Variants in NDUFAF6 observed in about 807,000 individuals in gnomAD.
NDUFAF6 encodes NADH dehydrogenase (ubiquinone) complex I, assembly factor 6.
NDUFAF6 carries 45 observed loss-of-function variants against 40.8 expected under a neutral mutation model. That is an observed-to-expected ratio of 1.10 (90% CI 0.87 to 1.42). The LOEUF is 1.42. NDUFAF6 is among the 40% of genes most tolerant of loss of function. NDUFAF6 has a pLI of 0.00. For missense variants in NDUFAF6, 435 were observed against 418.5 expected (o/e 1.04, Z -0.34); for synonymous variants, 185 against 155.9 (o/e 1.19, Z -1.39).
Position 94,896,653 on chromosome 8 carries a change from C to G in NDUFAF6, c.-936+726C>G, listed in dbSNP as rs931299588. On this transcript the variant is annotated intron_variant, in intron 1 of 14. Coordinates refer to the NDUFAF6 transcript ENST00000396113. ...TGAGCGAGCCGGACGGCGAGCGGGC[C>G]GCGCCGGGGAGACGGAGCCTCGCGG... 1.4e-3 allele frequency: 206 copies of G among 152,170 alleles called. 1 individual carries two copies. The highest frequency in any genetic ancestry group is 4.8e-3 in the African/African-American group (198 of 41,540). 9.4% of individuals were successfully genotyped at this position (152,170 alleles called of 1,614,324 possible). A position where few individuals can be genotyped will look rare whatever the true frequency, so the allele number is the denominator to read the frequency against.
At chr8:95,014,472 T>G (rs1827357929) in intron 2 of NDUFAF6, among the ~76,000 whole-genome samples, 1 of 152,332 alleles carries the variant, frequency 6.6e-6, no homozygotes, top group Non-Finnish European at 1.5e-5. Context: ...TGTGGCCATG[T>G]GTGGACAGCT....
chr8:94,990,304 A>G (rs1586917836), intron 2 of NDUFAF6, among the ~76,000 whole-genome samples: 1 of 152,192 alleles, frequency 6.6e-6, no homozygotes, highest in South Asian at 2.1e-4. Flanking sequence ...GACAGGAATC[A>G]CCAGCCTTGG....
intron 4 of NDUFAF6, among the ~76,000 whole-genome samples, chr8:95,043,582 A>G (rs2131868706): frequency 6.6e-6 from 1 of 152,338 alleles, no homozygotes; most frequent in African/African-American, 2.4e-5. Flanking sequence ...ATTTGAGTAG[A>G]CATTTCTCCA....
intron 4 of NDUFAF6, among the ~76,000 whole-genome samples, chr8:95,112,081 C>T (rs1226777603): frequency 6.6e-6 from 1 of 152,156 alleles, no homozygotes; most frequent in Admixed American, 6.6e-5. Context: ...CAAAGATGTC[C>T]ACCTCCTAAT....
intron 4 of NDUFAF6, among the ~76,000 whole-genome samples, chr8:95,110,189 C>T (rs1460360769): frequency 1.3e-5 from 2 of 152,152 alleles, no homozygotes; most frequent in East Asian, 3.8e-4. Flanking sequence ...AGTTTGGAGT[C>T]ACAGAACAGA....
intron 2 of NDUFAF6, among the ~76,000 whole-genome samples, chr8:95,016,961 TCTTG>T (rs1827480746): frequency 1.4e-5 from 2 of 143,634 alleles, no homozygotes; most frequent in African/African-American, 5.2e-5. Context: ...TGAGACAGGG[TCTTG>T]CTCTGTTGCC....
chr8:94,962,855 A>T (rs1347950589), intron 1 of NDUFAF6, among the ~76,000 whole-genome samples: 1 of 148,960 alleles, frequency 6.7e-6, no homozygotes, highest in Non-Finnish European at 1.5e-5. Context: ...CAGTGACGTG[A>T]TCTCAGCTCA....
chr8:95,063,223 A>T (rs138223675), downstream of NDUFAF6, among the ~76,000 whole-genome samples: 171 of 152,352 alleles, frequency 1.1e-3, 1 homozygote, highest in Middle Eastern at 6.8e-3. Context: ...ATATCTTTAG[A>T]TAAGCAGTGC....
rs144109211 is a variant in NDUFAF6 at position 94,930,605 on chromosome 8, A to G, written c.-935-14878A>G. 3.1e-6 allele frequency: 5 copies of G among 1,614,218 alleles called. No homozygotes were observed. The African/African-American group carries it at 6.7e-5, about 22-fold the overall frequency. On this transcript the variant is annotated intron_variant, in intron 1 of 14. Transcript: ENST00000396113. ...TATTTCTGTTAAGAGGCTGTCTTTC[A>G]CTGTGTTCTTTTATCCACTGGGAAG...
upstream of NDUFAF6, among the ~76,000 whole-genome samples, chr8:95,098,566 G>A (rs10091897): frequency 0.23 from 34,506 of 152,124 alleles, 4,910 homozygotes; most frequent in African/African-American, 0.4. Context: ...GCTAGTCAGG[G>A]GGCTGAGGAA....
chr8:95,005,220 C>T (rs945615059), intron 2 of NDUFAF6, among the ~76,000 whole-genome samples: 7 of 151,930 alleles, frequency 4.6e-5, no homozygotes, highest in Admixed American at 2.0e-4. Flanking sequence ...ATAGGCCGAA[C>T]GTACAGTCAC....
intron 9 of NDUFAF6, among the ~76,000 whole-genome samples, chr8:95,075,454 T>G (rs1368537451): frequency 6.6e-6 from 1 of 152,186 alleles, no homozygotes; most frequent in Admixed American, 6.5e-5. Context: ...GAAAACAATA[T>G]TTCTCTGATG....
intron 1 of NDUFAF6, among the ~76,000 whole-genome samples, chr8:94,921,246 A>G (rs1819482000): frequency 6.6e-6 from 1 of 152,220 alleles, no homozygotes; most frequent in Non-Finnish European, 1.5e-5. Context: ...GGAGCAAGAT[A>G]GTTGCCATAG....
At chr8:95,027,630 A>T (rs959345022) in intron 1 of NDUFAF6, among the ~76,000 whole-genome samples, 7 of 151,510 alleles carry the variant, frequency 4.6e-5, no homozygotes, top group Non-Finnish European at 8.8e-5. Flanking sequence ...GTAAATGTTT[A>T]CTCTTACCTT....
intron 1 of NDUFAF6, among the ~76,000 whole-genome samples, chr8:94,918,772 A>G (rs1215653515): frequency 6.6e-6 from 1 of 152,170 alleles, no homozygotes; most frequent in Non-Finnish European, 1.5e-5. Context: ...TGTTCACAGT[A>G]TCTCCAACAT....
chr8:94,927,009 A>G (rs1010336982), intron 1 of NDUFAF6: 2 of 152,270 alleles, frequency 1.3e-5, no homozygotes, highest in African/African-American at 4.8e-5. Context: ...TATGGGCCTT[A>G]TAAAATAAAA....
chr8:95,039,249 T>C (rs937414790), intron 3 of NDUFAF6, among the ~76,000 whole-genome samples: 2 of 151,464 alleles, frequency 1.3e-5, no homozygotes, highest in Admixed American at 6.6e-5. Context: ...GGTCAAGAGA[T>C]TGAGACCATC....
At chr8:94,947,602 G>T (rs151139929) in intron 2 of NDUFAF6, among the ~76,000 whole-genome samples, 1 of 152,140 alleles carries the variant, frequency 6.6e-6, no homozygotes, top group Non-Finnish European at 1.5e-5. Flanking sequence ...CAAAAAAGTT[G>T]TCTTTGCTTG....
At position 95,039,432 on chromosome 8, in the gene NDUFAF6, A is replaced by G. The variant is rs778559550; in HGVS notation, c.421-2138A>G. On this transcript the variant is annotated intron_variant, in intron 3 of 8. Coordinates refer to ENST00000396124, the MANE Select transcript of NDUFAF6 (RefSeq NM_152416.4). ...TGCGCCATTGCACTCCAGCCTGGCG[A>G]CAAAGCGAGACTCTGTCTCAAAAAA... is the stretch of plus-strand genomic sequence containing the variant. Among the ~76,000 whole-genome samples, 265 of 151,098 alleles carry G rather than the reference A, an allele frequency of 1.8e-3. 4 individuals are homozygous for G. The highest frequency in any genetic ancestry group is 1.6e-3 in the Non-Finnish European group (109 of 67,778).
Sources: gnomAD v4.1 joint callset for allele counts (sites outside exome capture counted in the v4.1 genomes callset) on GRCh38, gnomAD v4.1.1 for gene constraint, MANE v1.5 for transcripts, NCBI Gene and HGNC (gene_info 2026-07-23, HGNC 2026-07-21) for gene names.